THSD4: variants seen among roughly 807,000 people sequenced by gnomAD.
THSD4 encodes the protein thrombospondin type-1 domain-containing protein 4.
THSD4 carries 69 observed loss-of-function variants against 119.0 expected under a neutral mutation model. The observed-to-expected ratio is 0.58, with a 90% CI of 0.48 to 0.71. THSD4 has a LOEUF of 0.71. Ranked by LOEUF, THSD4 falls within the 30% of genes least tolerant of loss-of-function variation. The pLI is 0.00. For missense variants in THSD4, 1,393 were observed against 1,391.1 expected, an observed-to-expected ratio of 1.00 and a Z score of -0.02; for synonymous variants, 524 against 540.4, an observed-to-expected ratio of 0.97 and a Z score of 0.42.
chr15:71,648,140 A>G (rs1400589730), intron 7 of THSD4, among the ~76,000 whole-genome samples: 1 of 152,184 alleles, frequency 6.6e-6, no homozygotes, highest in Non-Finnish European at 1.5e-5. Context: ...GCTTTGACCT[A>G]TTACTTACCT....
chr15:71,484,660 A>G (rs561423789), intron 7 of THSD4, among the ~76,000 whole-genome samples: 1 of 152,286 alleles, frequency 6.6e-6, no homozygotes, highest in East Asian at 1.9e-4. Flanking sequence ...TGAAAAGTCA[A>G]AATTCTTTGA....
chr15:71,283,688 A>T (rs2044682291), intron 6 of THSD4, among the ~76,000 whole-genome samples: 1 of 152,224 alleles, frequency 6.6e-6, no homozygotes, highest in African/African-American at 2.4e-5. Flanking sequence ...ACTTGCTAAG[A>T]TCAGATAGAT....
intron 7 of THSD4, among the ~76,000 whole-genome samples, chr15:71,525,696 A>G (rs2048508357): frequency 6.6e-6 from 1 of 152,242 alleles, no homozygotes; most frequent in Admixed American, 6.5e-5. Context: ...ACGCAGATGA[A>G]GAAGTCTGTG....
At chr15:71,594,626 C>T (rs2049872950) in intron 7 of THSD4, among the ~76,000 whole-genome samples, 1 of 152,184 alleles carries the variant, frequency 6.6e-6, no homozygotes. Flanking sequence ...TCCCTGGGGT[C>T]TCAGCTGCTT....
intron 7 of THSD4, among the ~76,000 whole-genome samples, chr15:71,541,222 CA>C: frequency 6.6e-6 from 1 of 152,262 alleles, no homozygotes; most frequent in Admixed American, 6.5e-5. Context: ...ATTTCAACAT[CA>C]ACCCAACATA....
intron 7 of THSD4, among the ~76,000 whole-genome samples, chr15:71,576,062 T>C (rs1356719325): frequency 1.3e-5 from 2 of 152,082 alleles, no homozygotes; most frequent in Non-Finnish European, 2.9e-5. Flanking sequence ...TTAAAATGTC[T>C]TTTATGAAAG....
intron 8 of THSD4, among the ~76,000 whole-genome samples, chr15:71,724,055 C>A (rs1158472594): frequency 9.9e-5 from 11 of 110,692 alleles, no homozygotes; most frequent in African/African-American, 3.6e-4. Flanking sequence ...AGGAGTAAAA[C>A]CTTGTCTTTA....
At chr15:71,125,753 T>G (rs2040449565) in intron 1 of THSD4, among the ~76,000 whole-genome samples, 1 of 152,116 alleles carries the variant, frequency 6.6e-6, no homozygotes, top group Admixed American at 6.5e-5. Flanking sequence ...ATTCCAACAG[T>G]AGGAAAGCCA....
rs1367118742 is a variant in THSD4 at position 71,777,498 on chromosome 15, C to T, written c.*124C>T. 18 of 1,339,664 alleles carry T rather than the reference C, an allele frequency of 1.3e-5. No homozygotes were observed. Among genetic ancestry groups the T allele is most frequent in the Non-Finnish European group, 1.7e-5 (17 of 997,454 alleles). 83.0% of individuals were successfully genotyped at this position (1,339,664 alleles called of 1,614,324 possible). ...CAGGCGCTGCCAACCAACTTAGTCA[C>T]CACCCCTGCCTCCGGTGAATGCACC... On this transcript the variant is annotated 3_prime_UTR_variant, in exon 18 of 18. Transcript: ENST00000261862.
chr15:71,510,037 T>A (rs1290348249), intron 7 of THSD4, among the ~76,000 whole-genome samples: 1 of 152,224 alleles, frequency 6.6e-6, no homozygotes, highest in Non-Finnish European at 1.5e-5. Flanking sequence ...CTTTTCATGC[T>A]GGAACGAAGA....
chr15:71,138,325 C>T (rs1482737040), intron 1 of THSD4, among the ~76,000 whole-genome samples: 2 of 152,122 alleles, frequency 1.3e-5, no homozygotes, highest in Non-Finnish European at 2.9e-5. Context: ...GGGAAATTGC[C>T]CCCATGATCC....
intron 2 of THSD4, among the ~76,000 whole-genome samples, chr15:71,142,750 A>G (rs898993488): frequency 6.6e-6 from 1 of 152,234 alleles, no homozygotes; most frequent in South Asian, 2.1e-4. Flanking sequence ...ATTTAAATAA[A>G]TTGACTGAGA....
rs200115438 is a variant in THSD4 at position 71,586,419 on chromosome 15, A to AT, written c.1153-74106dup. Among the ~76,000 whole-genome samples, 490 of 152,030 alleles carry AT rather than the reference A, an allele frequency of 3.2e-3. 5 individuals carry two copies. The highest frequency in any genetic ancestry group is 0.011 in the African/African-American group (466 of 41,472). On this transcript the variant is annotated intron_variant, in intron 7 of 17. Transcript: ENST00000261862. ...ACCACCCTCATCTAGAGCTTGGAAT[A>AT]TTTTTCTAAGCTCACTGGTTGTTGC... is the stretch of plus-strand genomic sequence containing the variant.
At chr15:71,147,069 T>C (rs2040669623) in intron 2 of THSD4, among the ~76,000 whole-genome samples, 1 of 152,230 alleles carries the variant, frequency 6.6e-6, no homozygotes, top group African/African-American at 2.4e-5. Context: ...GAACCAGTAA[T>C]TCCAATTTGT....
intron 1 of THSD4, among the ~76,000 whole-genome samples, chr15:71,125,097 G>A (rs974072019): frequency 6.6e-6 from 1 of 151,532 alleles, no homozygotes; most frequent in Admixed American, 6.6e-5. Flanking sequence ...GAGGAGAGAA[G>A]GTGAAGAGGA....
intron 1 of THSD4, among the ~76,000 whole-genome samples, chr15:71,127,962 C>CA (rs1464359983): frequency 2.0e-5 from 3 of 152,032 alleles, no homozygotes; most frequent in Non-Finnish European, 4.4e-5. Flanking sequence ...GGGTTAAATA[C>CA]AAAAAATTAT....
intron 4 of THSD4, among the ~76,000 whole-genome samples, chr15:71,222,953 T>A (rs1210790053): frequency 6.6e-6 from 1 of 152,152 alleles, no homozygotes; most frequent in Non-Finnish European, 1.5e-5. Context: ...CCTGCCGATG[T>A]TACTTAACTT....
intron 2 of THSD4, among the ~76,000 whole-genome samples, chr15:71,149,451 C>T (rs773176621): frequency 6.6e-6 from 1 of 151,834 alleles, no homozygotes; most frequent in African/African-American, 2.4e-5. Flanking sequence ...TCACTGTGTT[C>T]GAGACCAGGC....
chr15:71,596,057 T>C (rs1053621136), intron 7 of THSD4, among the ~76,000 whole-genome samples: 1 of 152,232 alleles, frequency 6.6e-6, no homozygotes. Flanking sequence ...TTTTGTTTGT[T>C]TTGAATTTTT....
Sources: gnomAD v4.1 joint callset for allele counts (sites outside exome capture counted in the v4.1 genomes callset) on GRCh38, gnomAD v4.1.1 for gene constraint, MANE v1.5 for transcripts, NCBI Gene and HGNC (gene_info 2026-07-23, HGNC 2026-07-21) for gene names.